Variants in JAM2 observed in about 807,000 individuals in gnomAD.
JAM2 encodes the protein junctional adhesion molecule B.
In JAM2, 17 loss-of-function variants were observed where a neutral mutation model predicts 42.0. The observed-to-expected ratio is 0.40, with a 90% confidence interval of 0.28 to 0.61. The LOEUF (loss-of-function observed/expected upper bound fraction) is 0.61. Ranked by LOEUF, JAM2 falls within the 20% of genes least tolerant of loss-of-function variation. The pLI, the probability that JAM2 is intolerant of heterozygous loss-of-function variation, is 0.37. For synonymous variants in JAM2, 118 were observed against 128.6 expected (o/e 0.92, Z 0.56); for missense variants, 319 against 358.3 (o/e 0.89, Z 0.89).
chr21:25,698,960 TAGAG>T (rs1159735093), intron 5 of JAM2, 81 bp downstream of exon 5: 21 of 1,242,806 alleles, frequency 1.7e-5, no homozygotes, highest in Non-Finnish European at 2.4e-5. Context: ...TGACGTTTAA[TAGAG>T]AGCTGATACC....
intron 7 of JAM2, among the ~76,000 whole-genome samples, chr21:25,708,994 AC>A (rs1394658093): frequency 6.6e-6 from 1 of 152,146 alleles, no homozygotes; most frequent in Non-Finnish European, 1.5e-5. Context: ...TGGCCTATGA[AC>A]AAAAATGGCT....
chr21:25,714,126 C>G (rs1284742351), intron 9 of JAM2: 2 of 1,269,038 alleles, frequency 1.6e-6, no homozygotes, highest in East Asian at 1.1e-4. Flanking sequence ...CCAGTCCTAC[C>G]TCTTTACTCT....
At chr21:25,665,541 G>A (rs1041567709) in intron 1 of JAM2, among the ~76,000 whole-genome samples, 2 of 152,142 alleles carry the variant, frequency 1.3e-5, no homozygotes, top group African/African-American at 4.8e-5. Flanking sequence ...AAAGAGACTT[G>A]TTTTAAGGAA....
chr21:25,717,386 T>C lies in JAM2; in HGVS notation c.*2714T>C, dbSNP rs2034498123. 1 of 273,086 alleles carries C rather than the reference T, an allele frequency of 3.7e-6. No individual in the cohort carries two copies. The allele number at this position is 273,086 out of a possible 1,614,324, so 16.9% of individuals were successfully genotyped here. On this transcript the variant is annotated 3_prime_UTR_variant, in exon 10 of 10. Transcript: ENST00000480456. ...TAAAGATTAGGGCTTTAAAATCTTA[T>C]TAGCAAGCTTTGTTTTGTTTTAATT...
chr21:25,659,254 CTT>C (rs11345118), intron 1 of JAM2, among the ~76,000 whole-genome samples: 763 of 144,070 alleles, frequency 5.3e-3, no homozygotes, highest in Admixed American at 5.7e-3. Context: ...ATTTTCTAGC[CTT>C]TTTTTTTTTT....
chr21:25,691,872 A>G (rs980420217), intron 3 of JAM2, among the ~76,000 whole-genome samples: 2 of 152,168 alleles, frequency 1.3e-5, no homozygotes, highest in Admixed American at 1.3e-4. Flanking sequence ...TCTACTAAAA[A>G]TACGAAAATT....
chr21:25,675,579 GGAAGGAAGGAAGGAAA>G lies in JAM2; in HGVS notation c.68-8289_68-8274del, dbSNP rs1316812799. ...AGGAAGGAAGGAAGGAGGGAAGGAA[GGAAGGAAGGAAGGAAA>G]GAAGGAAGGAAGGAGGGAGGGAGGG... On this transcript the variant is annotated intron_variant, in intron 1 of 9. Coordinates refer to ENST00000480456, the MANE Select transcript of JAM2 (RefSeq NM_021219.4). Among the ~76,000 whole-genome samples the G allele has an allele frequency of 2.5e-4, 36 of 145,832 alleles. No homozygotes were observed. The Admixed American group carries it at 2.5e-3, about 10-fold the overall frequency.
intron 3 of JAM2, chr21:25,692,105 C>T (rs1431835936): frequency 6.5e-6 from 1 of 153,008 alleles, no homozygotes; most frequent in Non-Finnish European, 1.5e-5. Context: ...GAGCTGACAG[C>T]CTGCCAGGGA....
intron 1 of JAM2, among the ~76,000 whole-genome samples, chr21:25,675,860 T>C (rs930779725): frequency 1.3e-5 from 2 of 152,234 alleles, no homozygotes; most frequent in African/African-American, 2.4e-5. Context: ...AGTATAATAA[T>C]TGTCTTTCAG....
chr21:25,704,879 G>A (rs2034240104), intron 6 of JAM2, among the ~76,000 whole-genome samples: 1 of 152,144 alleles, frequency 6.6e-6, no homozygotes, highest in South Asian at 2.1e-4. Context: ...TTGAATGAGA[G>A]TATTTTTAAT....
chr21:25,695,517 G>A (rs556286908), intron 4 of JAM2, among the ~76,000 whole-genome samples: 181 of 151,114 alleles, frequency 1.2e-3, no homozygotes, highest in African/African-American at 3.9e-3. Flanking sequence ...GGCGGCCGCG[G>A]GGCAGAGGGG....
intron 1 of JAM2, among the ~76,000 whole-genome samples, chr21:25,648,239 CAA>C (rs1372882942): frequency 6.6e-6 from 1 of 152,042 alleles, no homozygotes; most frequent in Non-Finnish European, 1.5e-5. Context: ...GATGCATTTT[CAA>C]ATAGGAATGG....
intron 1 of JAM2, chr21:25,644,284 A>G (rs1001347713): frequency 6.6e-6 from 1 of 152,282 alleles, no homozygotes; most frequent in Non-Finnish European, 1.5e-5. Context: ...ACAAAACAAT[A>G]CAAATTGATT....
intron 1 of JAM2, among the ~76,000 whole-genome samples, chr21:25,644,866 T>TTTTGTTGTTTGTTTG (rs2032558879): frequency 6.6e-6 from 1 of 151,322 alleles, no homozygotes; most frequent in African/African-American, 2.4e-5. Context: ...GGTTTTTTGG[T>TTTTGTTGTTTGTTTG]TTTGTTTGTT....
intron 1 of JAM2, among the ~76,000 whole-genome samples, chr21:25,679,503 G>C (rs1247096033): frequency 6.6e-6 from 1 of 152,170 alleles, no homozygotes; most frequent in Non-Finnish European, 1.5e-5. Context: ...GTCATCACTT[G>C]GGGGCATGGT....
At chr21:25,655,142 T>A (rs1372274570) in intron 1 of JAM2, among the ~76,000 whole-genome samples, 2 of 152,200 alleles carry the variant, frequency 1.3e-5, no homozygotes, top group East Asian at 3.8e-4. Context: ...AATTATTTGA[T>A]ATATATGATT....
chr21:25,704,677 G>C (rs1408876409), intron 6 of JAM2, among the ~76,000 whole-genome samples: 1 of 152,180 alleles, frequency 6.6e-6, no homozygotes, highest in Non-Finnish European at 1.5e-5. Flanking sequence ...AATGGCAGAA[G>C]AGTGTGGCTC....
At chr21:25,699,722 C>CAAAAAAAAAA (rs59490509) in intron 5 of JAM2, among the ~76,000 whole-genome samples, 1 of 41,922 alleles carries the variant, frequency 2.4e-5, no homozygotes, top group African/African-American at 7.3e-5. Context: ...GGCTCCGTCT[C>CAAAAAAAAAA]AAAAAAAAAA....
chr21:25,704,872 A>C (rs966111739), intron 6 of JAM2, among the ~76,000 whole-genome samples: 1 of 152,218 alleles, frequency 6.6e-6, no homozygotes, highest in African/African-American at 2.4e-5. Context: ...TAATGACTTG[A>C]ATGAGAGTAT....
Sources: gnomAD v4.1 joint callset for allele counts (sites outside exome capture counted in the v4.1 genomes callset) on GRCh38, gnomAD v4.1.1 for gene constraint, MANE v1.5 for transcripts, NCBI Gene and HGNC (gene_info 2026-07-23, HGNC 2026-07-21) for gene names.